Variants in ADGRE2 observed in about 807,000 individuals in gnomAD.
The protein encoded by ADGRE2 is CD97 antigen.
A neutral mutation model predicts 100.8 loss-of-function variants in ADGRE2; 83 were observed. The ratio of observed to expected loss-of-function variants is 0.82; its 90% confidence interval spans 0.69 to 0.99. The LOEUF is 0.99. Ranked by LOEUF, ADGRE2 falls within the 50% of genes least tolerant of loss-of-function variation. The pLI is 0.00. For missense variants in ADGRE2, 814 were observed against 1,035.7 expected (o/e 0.79, Z 2.94); for synonymous variants, 355 against 413.0 (o/e 0.86, Z 1.70).
chr19:14,745,199 C>T (rs1032879450), intron 18 of ADGRE2, among the ~76,000 whole-genome samples: 8 of 152,172 alleles, frequency 5.3e-5, no homozygotes, highest in African/African-American at 1.7e-4. Context: ...CATGAGCCAC[C>T]ATGCCCGGCC....
chr19:14,743,438 G>A lies in ADGRE2; in HGVS notation c.2445C>T (p.Asp815=), dbSNP rs138856853. The stretch of plus-strand genomic sequence containing the variant: ...ATCTTACCGTGCTGGGTTTGGAGGT[G>A]TCAGCCTTAGCACTGCTGGAGAGTG... ...MHTLSSSAKA[D]TSKPSTVN is the part of the protein sequence containing the mutation. Residue 815 remains aspartate, a synonymous_variant, in exon 20 of 21, where the codon GAC becomes GAT. Coordinates refer to ENST00000315576, the MANE Select transcript of ADGRE2 (RefSeq NM_013447.4). 56 of 1,613,994 alleles carry A rather than the reference G, an allele frequency of 3.5e-5. No homozygotes were observed. The highest frequency in any genetic ancestry group is 4.3e-5 in the Non-Finnish European group (51 of 1,179,954).
At chr19:14,759,303 G>T (rs2043616624) in intron 11 of ADGRE2, among the ~76,000 whole-genome samples, 1 of 151,956 alleles carries the variant, frequency 6.6e-6, no homozygotes, top group Admixed American at 6.6e-5. Flanking sequence ...CGAATTTTCA[G>T]GCTGCTCGTT....
intron 13 of ADGRE2, 53 bp downstream of exon 13, chr19:14,755,601 G>C: frequency 1.3e-6 from 2 of 1,501,390 alleles, no homozygotes; most frequent in Non-Finnish European, 1.9e-6. Context: ...GAGCAGCAAG[G>C]CTATGCCCGG....
chr19:14,755,540 T>TG, intron 13 of ADGRE2, 114 bp downstream of exon 13: 1 of 939,002 alleles, frequency 1.1e-6, no homozygotes, highest in South Asian at 1.5e-5. Context: ...CTGACTTTCC[T>TG]GGGGAGATAA....
intron 11 of ADGRE2, among the ~76,000 whole-genome samples, chr19:14,762,825 G>A (rs1016748088): frequency 2.0e-5 from 3 of 151,800 alleles, no homozygotes; most frequent in Non-Finnish European, 4.4e-5. Context: ...TGTATTTTCA[G>A]TAGAGATGGG....
chr19:14,754,878 T>TG, intron 14 of ADGRE2, 76 bp downstream of exon 14: 1 of 1,531,790 alleles, frequency 6.5e-7, no homozygotes, highest in Admixed American at 1.8e-5. Context: ...ATATATTTTT[T>TG]TAAAAGGCTG....
At chr19:14,736,663 T>G (rs60870556) in intron 20 of ADGRE2, among the ~76,000 whole-genome samples, 4 of 138,664 alleles carry the variant, frequency 2.9e-5, no homozygotes, top group Admixed American at 7.1e-5. Context: ...TAGATATTTC[T>G]AAATATATAT....
chr19:14,759,904 C>T (rs1410147415), intron 11 of ADGRE2, among the ~76,000 whole-genome samples: 15 of 146,564 alleles, frequency 1.0e-4, no homozygotes, highest in East Asian at 4.0e-4. Context: ...CTGCAAGCTT[C>T]GCCTCCCAGG....
chr19:14,764,469 T>C lies in ADGRE2; in HGVS notation c.1048A>G (p.Asn350Asp), dbSNP rs772198985. Reference sequence around the variant, plus strand: ...GGATAACTGAAGTTCAACAGCCCATTGGAAAGGTTCTTGCTCAGGCCTCTG... The same window carrying C: ...GGATAACTGAAGTTCAACAGCCCATCGGAAAGGTTCTTGCTCAGGCCTCTG... ...VLRGLSKNLS[N>D]GLLNFSYPAG... is the part of the protein sequence containing the mutation. Residue 350 changes from asparagine to aspartate, a missense_variant, in exon 11 of 21, where the codon AAT becomes GAT. This residue lies in a region of ADGRE2 where 569 missense variants were observed against 692.7 expected (regional missense o/e 0.82). Coordinates refer to ENST00000315576, the MANE Select transcript of ADGRE2 (RefSeq NM_013447.4). 1 of 1,613,106 alleles carries C rather than the reference T, an allele frequency of 6.2e-7. No individual in the cohort carries two copies. Among genetic ancestry groups the C allele is most frequent in the East Asian group, 2.2e-5 (1 of 44,878 alleles).
downstream of ADGRE2, among the ~76,000 whole-genome samples, chr19:14,728,803 C>T (rs1433666574): frequency 1.3e-5 from 2 of 152,218 alleles, no homozygotes; most frequent in African/African-American, 4.8e-5. Context: ...TTTACTTCTG[C>T]AGAAGGGTGC....
At chr19:14,747,337 C>A (rs559543073) in intron 16 of ADGRE2, among the ~76,000 whole-genome samples, 1 of 151,910 alleles carries the variant, frequency 6.6e-6, no homozygotes, top group South Asian at 2.1e-4. Flanking sequence ...CCCATTTCTA[C>A]AAAAAATAAA....
In ADGRE2 at chr19:14,774,284, C is replaced by T; in HGVS notation, c.54G>A (p.Leu18=). 4.4e-6 allele frequency: 7 copies of T among 1,583,962 alleles called. No individual in the cohort carries two copies. Among genetic ancestry groups the T allele is most frequent in the Non-Finnish European group, 6.0e-6 (7 of 1,161,920 alleles). Residue 18 remains leucine, a synonymous_variant, in exon 3 of 21, where the codon CTG becomes CTA. Transcript: ENST00000315576. The stretch of plus-strand genomic sequence containing the variant: ...TGGAGTCCTGGGTTTCAGCTCCCGG[C>T]AGAGTCAGCCAGACACAGAATGCTG... ...VFLAFCVWLT[L]PGAETQDSRG... is the part of the protein sequence containing the mutation.
chr19:14,754,940 C>T lies in ADGRE2; in HGVS notation c.1590+14G>A, dbSNP rs762065493. ...GCAATAAATGCAGAGTGCATCCCCTCCTAAGGGTCTCACCTGCACATCGTA... is the reference window on the plus strand; with the variant it reads ...GCAATAAATGCAGAGTGCATCCCCTTCTAAGGGTCTCACCTGCACATCGTA... On this transcript the variant is annotated intron_variant, in intron 14 of 20. Transcript: ENST00000315576. 27 of 1,612,502 alleles carry T rather than the reference C, an allele frequency of 1.7e-5. No homozygotes were observed. The highest frequency in any genetic ancestry group is 2.3e-5 in the Non-Finnish European group (27 of 1,179,332).
intron 2 of ADGRE2, among the ~76,000 whole-genome samples, chr19:14,774,738 A>T (rs1307684776): frequency 9.2e-6 from 1 of 109,018 alleles, no homozygotes; most frequent in African/African-American, 3.2e-5. Context: ...CAATGGTGCG[A>T]TCTCGGCTAA....
At chr19:14,731,263 CACT>C, downstream of ADGRE2, 1 of 1,389,360 alleles carries the variant, frequency 7.2e-7, no homozygotes, top group Non-Finnish European at 9.9e-7. Context: ...ATCAAAGGAT[CACT>C]ACTGGGGCTT....
At chr19:14,762,186 A>T (rs766901989) in intron 11 of ADGRE2, among the ~76,000 whole-genome samples, 7 of 152,092 alleles carry the variant, frequency 4.6e-5, no homozygotes, top group African/African-American at 7.2e-5. Context: ...AATATTTTAC[A>T]GAGTTTGACT....
intron 4 of ADGRE2, among the ~76,000 whole-genome samples, 162 bp downstream of exon 4, chr19:14,773,776 T>C (rs2044312328): frequency 6.6e-6 from 1 of 150,900 alleles, no homozygotes; most frequent in Non-Finnish European, 1.5e-5. Context: ...CCTCCCAAAG[T>C]GCTGGGAGCC....
chr19:14,725,160 G>C, the ADGRE2 span, among the ~76,000 whole-genome samples: 13 of 152,140 alleles, frequency 8.5e-5, no homozygotes, highest in Non-Finnish European at 5.9e-5. Flanking sequence ...GGAGCGAGCA[G>C]GCAGGGGAGA....
intron 3 of ADGRE2, 30 bp downstream of exon 3, chr19:14,774,226 A>C (rs753246868): frequency 2.6e-6 from 4 of 1,522,950 alleles, no homozygotes; most frequent in Non-Finnish European, 3.6e-6. Flanking sequence ...CTGGCTGTGG[A>C]CTGTGCTTTC....
Sources: allele counts gnomAD v4.1 joint callset (sites outside exome capture counted in the v4.1 genomes callset), GRCh38; gene constraint gnomAD v4.1.1; regional missense constraint gnomAD v4.1.1; transcripts MANE v1.5; gene names NCBI Gene and HGNC (gene_info 2026-07-23, HGNC 2026-07-21).